Variants in TSNARE1 observed in about 807,000 individuals in gnomAD.
The protein encoded by TSNARE1 is t-SNARE domain containing 1.
TSNARE1 carries 49 observed loss-of-function variants against 62.0 expected under a neutral mutation model. The observed-to-expected ratio is 0.79, with a 90% confidence interval of 0.63 to 1.00. The LOEUF (loss-of-function observed/expected upper bound fraction) is 1.00, where lower values mean the gene tolerates loss of function less well. TSNARE1 is among the 50% of genes least tolerant of loss of function. The probability of loss-of-function intolerance (pLI) is 0.00; values close to 1 mark genes in which losing one functional copy is unlikely to be tolerated. For missense variants in TSNARE1, 755 were observed against 700.1 expected (o/e 1.08, Z -0.88); for synonymous variants, 328 against 294.4 (o/e 1.11, Z -1.17).
At chr8:142,312,093 T>C (rs1301535066) in intron 9 of TSNARE1, among the ~76,000 whole-genome samples, 1 of 152,242 alleles carries the variant, frequency 6.6e-6, no homozygotes, top group East Asian at 1.9e-4. Context: ...AATATCTGCA[T>C]TGTACTTATT....
intron 13 of TSNARE1, among the ~76,000 whole-genome samples, chr8:142,222,262 C>T (rs376195417): frequency 0.011 from 263 of 24,582 alleles, 27 homozygotes; most frequent in Non-Finnish European, 0.013. Flanking sequence ...ATCCACTCAT[C>T]CACTCACTCA....
intron 1 of TSNARE1, among the ~76,000 whole-genome samples, chr8:142,375,171 A>T (rs1836237778): frequency 6.6e-6 from 1 of 152,238 alleles, no homozygotes; most frequent in South Asian, 2.1e-4. Context: ...ACACTGGGGT[A>T]CAGCAAGGGA....
At chr8:142,276,331 G>A (rs1287150158) in intron 11 of TSNARE1, 15 of 985,360 alleles carry the variant, frequency 1.5e-5, no homozygotes, top group Non-Finnish European at 1.4e-5. Flanking sequence ...CAATGGAGGA[G>A]GAGAGGGAAG....
chr8:142,327,775 AAG>A (rs1159298719), intron 6 of TSNARE1, among the ~76,000 whole-genome samples: 3 of 152,336 alleles, frequency 2.0e-5, no homozygotes, highest in African/African-American at 7.2e-5. Flanking sequence ...ATCGTCATCC[AAG>A]GCTCCTTGAG....
intron 12 of TSNARE1, chr8:142,270,190 G>A (rs929803539): frequency 7.1e-5 from 70 of 985,338 alleles, no homozygotes; most frequent in African/African-American, 2.1e-4. Flanking sequence ...GCCCTGCCGC[G>A]CAGGGACTGG....
chr8:142,353,050 C>T (rs985792292), intron 2 of TSNARE1, among the ~76,000 whole-genome samples: 2 of 152,130 alleles, frequency 1.3e-5, no homozygotes, highest in Non-Finnish European at 2.9e-5. Context: ...ATGGAAGGAA[C>T]CTCCATCCAC....
rs1829108950 is a variant in TSNARE1 at position 142,319,265 on chromosome 8, CAG to C, written c.894-633_894-632del. On this transcript the variant is annotated intron_variant, in intron 6 of 13. Transcript: ENST00000524325. The surrounding 1 kb of genome is among the most constrained non-coding windows in gnomAD (Gnocchi z 4.9). Reference sequence around the variant, plus strand: ...CCCCTCGGAAAGCCAGCAGGAGAATCAGGGCAAGAGCGCCATGGCCCAGGGAG... The same window carrying C: ...CCCCTCGGAAAGCCAGCAGGAGAATCGGCAAGAGCGCCATGGCCCAGGGAG... Among the ~76,000 whole-genome samples, 1 of 152,110 alleles carries C rather than the reference CAG, an allele frequency of 6.6e-6. No homozygotes were observed. Among genetic ancestry groups the C allele is most frequent in the Admixed American group, 6.5e-5 (1 of 15,276 alleles).
chr8:142,244,010 C>T (rs889106535), intron 12 of TSNARE1, among the ~76,000 whole-genome samples: 6 of 151,856 alleles, frequency 4.0e-5, no homozygotes, highest in Non-Finnish European at 7.4e-5. Context: ...CACGGTGAAA[C>T]CCCATCTCTA....
intron 10 of TSNARE1, among the ~76,000 whole-genome samples, chr8:142,299,446 C>G (rs1406863826): frequency 6.6e-6 from 1 of 152,234 alleles, no homozygotes; most frequent in Non-Finnish European, 1.5e-5. Flanking sequence ...GGCCCTAGCG[C>G]CTTCTGCAGA....
intron 9 of TSNARE1, among the ~76,000 whole-genome samples, chr8:142,311,647 C>G (rs145106907): frequency 6.6e-6 from 1 of 152,174 alleles, no homozygotes; most frequent in Non-Finnish European, 1.5e-5. Flanking sequence ...CTTCTTGAAT[C>G]TGTGACTTGA....
At chr8:142,299,157 C>T (rs1825257318) in intron 10 of TSNARE1, among the ~76,000 whole-genome samples, 1 of 152,210 alleles carries the variant, frequency 6.6e-6, no homozygotes, top group African/African-American at 2.4e-5. Context: ...GAAATGGGCG[C>T]TCCTCCACCA....
At chr8:142,299,499 A>T (rs1825319625) in intron 10 of TSNARE1, among the ~76,000 whole-genome samples, 1 of 152,256 alleles carries the variant, frequency 6.6e-6, no homozygotes. Context: ...GGTCACACGC[A>T]GAGGCTCGGA....
At chr8:142,325,816 A>C (rs1265877907) in intron 6 of TSNARE1, among the ~76,000 whole-genome samples, 1 of 151,184 alleles carries the variant, frequency 6.6e-6, no homozygotes, top group African/African-American at 2.4e-5. Context: ...ACCAACGAAG[A>C]CCAGGGCCCT....
At chr8:142,299,492 C>A (rs1285788221) in intron 10 of TSNARE1, among the ~76,000 whole-genome samples, 1 of 152,356 alleles carries the variant, frequency 6.6e-6, no homozygotes, top group Admixed American at 6.5e-5. Flanking sequence ...CGTTCAAGGT[C>A]ACACGCAGAG....
At position 142,330,976 on chromosome 8, in the gene TSNARE1, C is replaced by T. The variant is rs766337468; in HGVS notation, c.824-6G>A. 29 of 1,613,698 alleles carry T rather than the reference C, an allele frequency of 1.8e-5. No homozygotes were observed. The highest frequency in any genetic ancestry group is 2.7e-5 in the African/African-American group (2 of 74,936). ...GCTCCGCTCCAAGGAGGTCACTGCC[C>T]GAGAGAAGAGGGACAGGGTGAGGGC... On this transcript the variant is annotated splice_polypyrimidine_tract_variant and splice_region_variant and intron_variant, in intron 5 of 13. Coordinates refer to ENST00000524325, the MANE Select transcript of TSNARE1 (RefSeq NM_145003.5).
At chr8:142,378,495 A>T (rs532361548) in intron 1 of TSNARE1, among the ~76,000 whole-genome samples, 6 of 152,328 alleles carry the variant, frequency 3.9e-5, no homozygotes, top group African/African-American at 1.4e-4. Context: ...TACACGCTTG[A>T]AGTTTGCGCA....
At chr8:142,254,596 C>T (rs1325960701) in intron 12 of TSNARE1, among the ~76,000 whole-genome samples, 3 of 152,166 alleles carry the variant, frequency 2.0e-5, no homozygotes, top group Non-Finnish European at 4.4e-5. Context: ...CCCTCCAGCA[C>T]CCCCTGGCAG....
intron 13 of TSNARE1, among the ~76,000 whole-genome samples, chr8:142,216,302 C>T (rs62512616): frequency 0.28 from 43,087 of 151,968 alleles, 7,169 homozygotes; most frequent in Non-Finnish European, 0.37. Flanking sequence ...AACAGATGGG[C>T]GGACGCTGGT....
intron 1 of TSNARE1, among the ~76,000 whole-genome samples, chr8:142,391,718 G>A (rs73714182): frequency 6.6e-6 from 1 of 152,244 alleles, no homozygotes; most frequent in Non-Finnish European, 1.5e-5. Context: ...CCAGCACCTA[G>A]GGCTGCCCGC....
Sources: gnomAD v4.1 joint callset for allele counts (sites outside exome capture counted in the v4.1 genomes callset) on GRCh38, gnomAD v4.1.1 for gene constraint, Gnocchi (gnomAD v3.1) non-coding constraint, MANE v1.5 for transcripts, NCBI Gene and HGNC (gene_info 2026-07-23, HGNC 2026-07-21) for gene names.